The following ENPEP variants were observed in gnomAD, a reference collection of about 807,000 sequenced individuals.
ENPEP encodes the protein AP-A.
Under a neutral mutation model 114.5 loss-of-function variants are expected in ENPEP, and 103 were observed. The observed-to-expected ratio is 0.90, with a 90% CI of 0.77 to 1.06. ENPEP has a LOEUF of 1.06. ENPEP is among the 50% of genes least tolerant of loss of function. The pLI is 0.00. For synonymous variants in ENPEP, 420 were observed against 422.0 expected (o/e 1.00, Z 0.06); for missense variants, 1,196 against 1,161.3 (o/e 1.03, Z -0.43).
chr4:110,535,844 C>T (rs1726596299), intron 11 of ENPEP, among the ~76,000 whole-genome samples: 2 of 152,098 alleles, frequency 1.3e-5, no homozygotes, highest in Non-Finnish European at 2.9e-5. Context: ...CAAAGTTAGC[C>T]AGGCATAGCC....
intron 18 of ENPEP, among the ~76,000 whole-genome samples, chr4:110,555,308 T>C (rs1274527977): frequency 2.0e-5 from 3 of 151,932 alleles, no homozygotes; most frequent in East Asian, 3.8e-4. Flanking sequence ...CCTATGAAAA[T>C]TGGATAATAA....
At chr4:110,516,209 G>C (rs958793861) in intron 8 of ENPEP, among the ~76,000 whole-genome samples, 1 of 152,136 alleles carries the variant, frequency 6.6e-6, no homozygotes, top group Non-Finnish European at 1.5e-5. Flanking sequence ...AAAGAGGCTT[G>C]CTTCCTTTTG....
chr4:110,494,881 C>T (rs1027557096), intron 3 of ENPEP, among the ~76,000 whole-genome samples: 4 of 152,166 alleles, frequency 2.6e-5, no homozygotes, highest in Non-Finnish European at 5.9e-5. Context: ...AAGAAATCTA[C>T]TCCTGAGGTC....
rs774995465 is a variant in ENPEP at position 110,548,322 on chromosome 4, T to C, written c.2147T>C (p.Ile716Thr). ...FEDDKELYPMIEEYFQGQVKP... is the reference protein window; with the variant it reads ...FEDDKELYPMTEEYFQGQVKP... ...GATGATAAAGAGCTATATCCTATGA[T>C]TGAGGTGACGTTAATGCTATGGTAT... The change falls in exon 14 of 20, where the codon ATT becomes ACT. Residue 716 changes from isoleucine to threonine, a missense_variant. Coordinates refer to ENST00000265162, the MANE Select transcript of ENPEP (RefSeq NM_001977.4). 9 of 1,577,638 alleles carry C rather than the reference T, an allele frequency of 5.7e-6. 1 individual carries two copies. The highest frequency in any genetic ancestry group is 5.5e-5 in the African/African-American group (4 of 73,220).
intron 3 of ENPEP, among the ~76,000 whole-genome samples, chr4:110,500,555 T>C (rs1263426076): frequency 6.6e-6 from 1 of 152,218 alleles, no homozygotes; most frequent in Non-Finnish European, 1.5e-5. Flanking sequence ...TTATATATAA[T>C]GTTTACATAT....
chr4:110,510,161 G>A (rs759150122), intron 5 of ENPEP, 84 bp from the exon 6 acceptor site: 60 of 1,146,966 alleles, frequency 5.2e-5, no homozygotes, highest in Admixed American at 9.0e-5. Context: ...CATTGGCACG[G>A]ACAAATAAAT....
At position 110,509,709 on chromosome 4, in the gene ENPEP, A is replaced by C; in HGVS notation, c.1096A>C (p.Thr366Pro). Reference protein sequence around the residue: ...TGAMENWGLITYRETNLLYDP... With the variant: ...TGAMENWGLIPYRETNLLYDP... ...TGCCATGGAGAACTGGGGACTCATC[A>C]CGTACAGAGAAACGAACCTGCTTTA... is the stretch of plus-strand genomic sequence containing the variant. Residue 366 changes from threonine to proline, a missense_variant, in exon 5 of 20, where the codon ACG becomes CCG. Thr to Pro is a conservative substitution (Grantham distance 38). Transcript: ENST00000265162. The C allele has an allele frequency of 6.2e-7, 1 of 1,614,226 alleles. No individual in the cohort carries two copies. The highest frequency in any genetic ancestry group is 8.5e-7 in the Non-Finnish European group (1 of 1,180,030).
chr4:110,490,486 A>G (rs1395599045), intron 2 of ENPEP, among the ~76,000 whole-genome samples: 2 of 152,372 alleles, frequency 1.3e-5, no homozygotes, highest in Non-Finnish European at 2.9e-5. Flanking sequence ...TGGCATGGAC[A>G]GAACAAGCCA....
Position 110,501,308 on chromosome 4 carries a change from A to G in ENPEP, c.919-5329A>G, listed in dbSNP as rs12512191. On this transcript the variant is annotated intron_variant, in intron 3 of 19. Coordinates refer to ENST00000265162, the MANE Select transcript of ENPEP (RefSeq NM_001977.4). The stretch of plus-strand genomic sequence containing the variant: ...TTTTTTAAGCTTTTATTTTAGGTTC[A>G]GGGGTATATGTACGGGTTTGCTATA... 4.1e-3 allele frequency among the ~76,000 whole-genome samples: 621 copies of G among 152,178 alleles called. 14 individuals carry two copies. The East Asian group carries it at 0.065, about 16-fold the overall frequency.
chr4:110,503,435 C>T (rs909475188), intron 3 of ENPEP, among the ~76,000 whole-genome samples: 2 of 152,098 alleles, frequency 1.3e-5, no homozygotes, highest in Non-Finnish European at 2.9e-5. Context: ...AGTTCCTGTA[C>T]TGTTATATTG....
In ENPEP at chr4:110,549,866, G is replaced by T. The variant is rs1422498852; in HGVS notation, c.2481G>T (p.Lys827Asn). 15 of 1,610,736 alleles carry T rather than the reference G, an allele frequency of 9.3e-6. No homozygotes were observed. Among genetic ancestry groups the T allele is most frequent in the Non-Finnish European group, 1.3e-5 (15 of 1,178,846 alleles). Residue 827 changes from lysine to asparagine, a missense_variant, in exon 17 of 20, where the codon AAG (lysine) becomes AAT (asparagine). Coordinates refer to ENST00000265162, the MANE Select transcript of ENPEP (RefSeq NM_001977.4). Reference sequence around the variant, plus strand: ...TGCTGTATGGATTAGCATCAGTGAAGAACGTTACTCTTTTGTCAAGGTAAG... The same window carrying T: ...TGCTGTATGGATTAGCATCAGTGAATAACGTTACTCTTTTGTCAAGGTAAG... ...EKLLYGLASVKNVTLLSRYLD... is the reference protein window; with the variant it reads ...EKLLYGLASVNNVTLLSRYLD...
intron 8 of ENPEP, 149 bp from the exon 9 acceptor site, chr4:110,519,859 C>T: frequency 1.7e-6 from 1 of 600,132 alleles, no homozygotes; most frequent in Non-Finnish European, 3.0e-6. Flanking sequence ...AATATCAATG[C>T]AACAGCCGTG....
At chr4:110,531,525 C>G (rs751234451) in intron 11 of ENPEP, among the ~76,000 whole-genome samples, 3 of 152,096 alleles carry the variant, frequency 2.0e-5, no homozygotes, top group Non-Finnish European at 2.9e-5. Flanking sequence ...GGAGAAGGGT[C>G]GCATGCCCAA....
chr4:110,531,072 G>A (rs537523274), intron 10 of ENPEP, 126 bp from the exon 11 acceptor site: 11 of 445,460 alleles, frequency 2.5e-5, no homozygotes, highest in Non-Finnish European at 3.0e-5. Flanking sequence ...CATTAATTGT[G>A]TAGTATGGAC....
chr4:110,513,676 T>C, intron 7 of ENPEP, 127 bp downstream of exon 7: 1 of 1,128,082 alleles, frequency 8.9e-7, no homozygotes, highest in African/African-American at 1.6e-5. Context: ...TAGAAGTTAT[T>C]CTGAGTGCTG....
intron 1 of ENPEP, among the ~76,000 whole-genome samples, chr4:110,479,223 T>C (rs1287330281): frequency 6.6e-6 from 1 of 152,196 alleles, no homozygotes; most frequent in African/African-American, 2.4e-5. Context: ...CTTTAAGATG[T>C]CATTTGATGT....
intron 8 of ENPEP, chr4:110,519,080 C>G: frequency 2.2e-6 from 1 of 455,802 alleles, no homozygotes. Flanking sequence ...TGCCTGCCCT[C>G]TGGTGGTAGT....
In ENPEP at chr4:110,548,346, A is replaced by T. The variant is rs1014804156; in HGVS notation, c.2151+20A>T. On this transcript the variant is annotated intron_variant, in intron 14 of 19. Coordinates refer to ENST00000265162, the MANE Select transcript of ENPEP (RefSeq NM_001977.4). ...ATTGAGGTGACGTTAATGCTATGGT[A>T]TCTTATGAAAGTAAATGTTTAGCCA... The T allele has an allele frequency of 2.0e-6, 3 of 1,515,940 alleles. No individual in the cohort carries two copies. Among genetic ancestry groups the T allele is most frequent in the East Asian group, 2.5e-5 (1 of 40,510 alleles). 93.9% of individuals were successfully genotyped at this position (1,515,940 alleles called of 1,614,324 possible).
chr4:110,495,520 A>AATG, intron 3 of ENPEP, among the ~76,000 whole-genome samples: 1 of 152,152 alleles, frequency 6.6e-6, no homozygotes, highest in Admixed American at 6.5e-5. Flanking sequence ...CAGGAGTTTG[A>AATG]GAACAGCCTG....
Sources: gnomAD v4.1 joint callset for allele counts (sites outside exome capture counted in the v4.1 genomes callset) on GRCh38, gnomAD v4.1.1 for gene constraint, MANE v1.5 for transcripts, NCBI Gene and HGNC (gene_info 2026-07-23, HGNC 2026-07-21) for gene names.